Variants in ASTN2 observed in about 807,000 individuals in gnomAD.
The protein encoded by ASTN2 is astrotactin-2.
In ASTN2, 54 loss-of-function variants were observed where a neutral mutation model predicts 139.8. The observed-to-expected ratio is 0.39, with a 90% CI of 0.31 to 0.48. The LOEUF (loss-of-function observed/expected upper bound fraction) is 0.48. ASTN2 is among the 20% of genes least tolerant of loss of function. ASTN2 has a pLI of 0.95. For synonymous variants in ASTN2, 756 were observed against 719.5 expected, an observed-to-expected ratio of 1.05 and a Z score of -0.81; for missense variants, 1,565 against 1,725.1, an observed-to-expected ratio of 0.91 and a Z score of 1.64.
chr9:117,098,333 G>A (rs1241994398), intron 4 of ASTN2, among the ~76,000 whole-genome samples: 1 of 152,126 alleles, frequency 6.6e-6, no homozygotes, highest in East Asian at 1.9e-4. Context: ...AATGAGTGAA[G>A]GTGGACTTCG....
At chr9:117,352,335 C>T (rs184616522) in intron 1 of ASTN2, among the ~76,000 whole-genome samples, 20 of 152,292 alleles carry the variant, frequency 1.3e-4, no homozygotes, top group Non-Finnish European at 2.5e-4. Context: ...GGAACATGGG[C>T]CACCATCTGC....
At chr9:116,606,161 G>A (rs1855187844) in intron 19 of ASTN2, among the ~76,000 whole-genome samples, 2 of 152,072 alleles carry the variant, frequency 1.3e-5, no homozygotes, top group Non-Finnish European at 2.9e-5. Flanking sequence ...AGCGTGCGGG[G>A]CATTCAGCCA....
In ASTN2 at chr9:116,451,622, C is replaced by A. The variant is rs16933557; in HGVS notation, c.3498-9069G>T. ...TTCTTCCTTCTTTCAAAACAGTGGA[C>A]TAAGCCTTAGATATGAGTTTAAAAG... On this transcript the variant is annotated intron_variant, in intron 20 of 22. Coordinates refer to ENST00000313400, the MANE Select transcript of ASTN2 (RefSeq NM_001365068.1). 0.013 allele frequency among the ~76,000 whole-genome samples: 1,965 copies of A among 152,222 alleles called. 180 individuals carry two copies. The South Asian group carries it at 0.21, about 16-fold the overall frequency.
intron 7 of ASTN2, among the ~76,000 whole-genome samples, chr9:117,003,953 C>CGCGCGTGTGTGTGT (rs1218309835): frequency 8.3e-4 from 121 of 146,284 alleles, no homozygotes; most frequent in African/African-American, 3.1e-3. Flanking sequence ...CGCGCGCGCG[C>CGCGCGTGTGTGTGT]GTGTGTGTGT....
At chr9:116,834,661 A>G (rs1831929532) in intron 11 of ASTN2, among the ~76,000 whole-genome samples, 1 of 152,210 alleles carries the variant, frequency 6.6e-6, no homozygotes. Flanking sequence ...TGTCTATATC[A>G]TTATAAGCAA....
In ASTN2 at chr9:116,462,788, A is replaced by ATGTGTGTGTGTGTG. The variant is rs55926547; in HGVS notation, c.3498-20249_3498-20236dup. ...CTTTAAGGGTAAGTGTTGGGTGAGC[A>ATGTGTGTGTGTGTG]TGTGTGTGTGTGTGTGTGTGTGTGT... On this transcript the variant is annotated intron_variant, in intron 20 of 22. Transcript: ENST00000313400. Among the ~76,000 whole-genome samples the ATGTGTGTGTGTGTG allele has an allele frequency of 1.8e-3, 265 of 146,176 alleles. 1 individual carries two copies. Among genetic ancestry groups the ATGTGTGTGTGTGTG allele is most frequent in the African/African-American group, 6.6e-3 (256 of 38,828 alleles).
chr9:116,686,434 A>C (rs974986767), intron 16 of ASTN2, among the ~76,000 whole-genome samples: 3 of 152,190 alleles, frequency 2.0e-5, no homozygotes, highest in Non-Finnish European at 4.4e-5. Context: ...GCTAAGGGGA[A>C]TTTCAAATCC....
At chr9:116,533,565 C>G (rs1348267306) in intron 19 of ASTN2, among the ~76,000 whole-genome samples, 1 of 152,134 alleles carries the variant, frequency 6.6e-6, no homozygotes. Context: ...GATTTTTTAG[C>G]ATGAAGCGCT....
chr9:116,448,412 C>T (rs1848072719), intron 20 of ASTN2, among the ~76,000 whole-genome samples: 1 of 152,222 alleles, frequency 6.6e-6, no homozygotes, highest in African/African-American at 2.4e-5. Flanking sequence ...CAGTGCCCAT[C>T]TCTATGCTTC....
At chr9:116,832,960 A>T (rs1831863542) in intron 11 of ASTN2, among the ~76,000 whole-genome samples, 1 of 151,236 alleles carries the variant, frequency 6.6e-6, no homozygotes, top group Middle Eastern at 3.4e-3. Flanking sequence ...TTATTTATTT[A>T]TTTTTTGGGA....
intron 20 of ASTN2, among the ~76,000 whole-genome samples, chr9:116,482,064 C>T (rs1382858006): frequency 5.3e-5 from 8 of 152,190 alleles, no homozygotes; most frequent in African/African-American, 1.2e-4. Context: ...CAGTGGCTCA[C>T]GCCTGTAATC....
intron 1 of ASTN2, among the ~76,000 whole-genome samples, chr9:117,382,537 G>C (rs572530817): frequency 6.6e-6 from 1 of 152,348 alleles, no homozygotes; most frequent in South Asian, 2.1e-4. Context: ...GCAGCATAGG[G>C]AGTTAAATCC....
At chr9:117,322,358 A>G (rs948960372) in intron 1 of ASTN2, among the ~76,000 whole-genome samples, 1 of 152,172 alleles carries the variant, frequency 6.6e-6, no homozygotes, top group Admixed American at 6.5e-5. Flanking sequence ...GAAGGCTAAC[A>G]CTTAATGATC....
At chr9:116,432,371 T>A (rs1357939382) in intron 22 of ASTN2, among the ~76,000 whole-genome samples, 1 of 152,224 alleles carries the variant, frequency 6.6e-6, no homozygotes, top group Admixed American at 6.5e-5. Context: ...TGGGATGTAA[T>A]GTGGTTTTAC....
chr9:116,958,780 C>T (rs984109290), intron 10 of ASTN2, among the ~76,000 whole-genome samples: 6 of 151,776 alleles, frequency 4.0e-5, no homozygotes, highest in Admixed American at 6.6e-5. Flanking sequence ...AGAAATAAGC[C>T]GGGTCTAGCT....
In ASTN2 at chr9:117,028,166, T is replaced by C. The variant is rs190403667; in HGVS notation, c.1423+11653A>G. On this transcript the variant is annotated intron_variant, in intron 6 of 22. Coordinates refer to ENST00000313400, the MANE Select transcript of ASTN2 (RefSeq NM_001365068.1). ...AAGTTTGAATGTACAGACTCACTGA[T>C]AAAGTTTAAATGGAAGCCAGAGTTA... Among the ~76,000 whole-genome samples, 55 of 152,256 alleles carry C rather than the reference T, an allele frequency of 3.6e-4. 1 individual carries two copies. The South Asian group carries it at 8.7e-3, about 24-fold the overall frequency.
At chr9:116,579,982 C>T (rs12336805) in intron 19 of ASTN2, among the ~76,000 whole-genome samples, 41,169 of 152,010 alleles carry the variant, frequency 0.27, 6,478 homozygotes, top group Admixed American at 0.41. Context: ...CCACCACGCC[C>T]GGCTAACTTT....
At chr9:117,105,732 G>A (rs28503317) in intron 4 of ASTN2, among the ~76,000 whole-genome samples, 2,039 of 152,278 alleles carry the variant, frequency 0.013, 49 homozygotes, top group African/African-American at 0.046. Context: ...GGGAAGATGA[G>A]CTGGTGTGGT....
chr9:117,222,661 A>G (rs1196815940), intron 2 of ASTN2, among the ~76,000 whole-genome samples: 1 of 152,110 alleles, frequency 6.6e-6, no homozygotes, highest in Non-Finnish European at 1.5e-5. Context: ...AATACCACCC[A>G]TACTTCACTG....
Sources: allele counts gnomAD v4.1 joint callset (sites outside exome capture counted in the v4.1 genomes callset), GRCh38; gene constraint gnomAD v4.1.1; transcripts MANE v1.5; gene names NCBI Gene and HGNC (gene_info 2026-07-23, HGNC 2026-07-21).